The following RGS7 variants were observed in gnomAD, a reference collection of about 807,000 sequenced individuals.
RGS7 encodes regulator of G protein signaling 7.
In RGS7, 27 loss-of-function variants were observed where a neutral mutation model predicts 81.1. That is an observed-to-expected ratio of 0.33 (90% confidence interval 0.25 to 0.46). The LOEUF is 0.46. RGS7 is among the 20% of genes least tolerant of loss of function. The pLI, the probability that RGS7 is intolerant of heterozygous loss-of-function variation, is 1.00. For missense variants in RGS7, 396 were observed against 607.4 expected (o/e 0.65, Z 3.66); for synonymous variants, 208 against 207.7 (o/e 1.00, Z -0.01).
In RGS7 at chr1:240,799,959, G is replaced by A. The variant is rs1418384385; in HGVS notation, c.*6+682C>T. Among the ~76,000 whole-genome samples, 3 of 152,120 alleles carry A rather than the reference G, an allele frequency of 2.0e-5. No homozygotes were observed. The South Asian group carries it at 6.2e-4, about 31-fold the overall frequency. On this transcript the variant is annotated intron_variant, in intron 18 of 18. Coordinates refer to ENST00000440928, the MANE Select transcript of RGS7 (RefSeq NM_001364886.1). ...GGGTTAGATATGATGTTGGAAGAAG[G>A]ACAACCATTTGACTTCCCCTTTCCA...
intron 2 of RGS7, among the ~76,000 whole-genome samples, chr1:241,277,093 C>T (rs567289561): frequency 6.6e-6 from 1 of 152,332 alleles, no homozygotes; most frequent in East Asian, 1.9e-4. Context: ...CAGATCACTC[C>T]TGTTAGCGTT....
At position 241,314,925 on chromosome 1, in the gene RGS7, C is replaced by A. The variant is rs80140344; in HGVS notation, c.78+40774G>T. 5.8e-3 allele frequency among the ~76,000 whole-genome samples: 877 copies of A among 152,130 alleles called. 5 individuals carry two copies. The highest frequency in any genetic ancestry group is 0.019 in the African/African-American group (809 of 41,506). On this transcript the variant is annotated intron_variant, in intron 2 of 18. Coordinates refer to ENST00000440928, the MANE Select transcript of RGS7 (RefSeq NM_001364886.1). Reference sequence around the variant, plus strand: ...CCCTTTGCAATAGTCTGTGCAAAAACTGATAGTAGTAGCAGTAGAAATGGT... The same window carrying A: ...CCCTTTGCAATAGTCTGTGCAAAAAATGATAGTAGTAGCAGTAGAAATGGT...
intron 2 of RGS7, among the ~76,000 whole-genome samples, chr1:241,177,409 A>C (rs904688833): frequency 3.3e-5 from 5 of 152,174 alleles, no homozygotes; most frequent in African/African-American, 1.2e-4. Context: ...GAGCGTAGAC[A>C]GGGATGGCAT....
chr1:241,017,716 C>T (rs2059334439), intron 3 of RGS7, among the ~76,000 whole-genome samples: 1 of 152,058 alleles, frequency 6.6e-6, no homozygotes, highest in African/African-American at 2.4e-5. Flanking sequence ...TGATTTCTAT[C>T]CCCCTCTGGT....
At chr1:241,311,384 GAAAT>G (rs1460818345) in intron 2 of RGS7, among the ~76,000 whole-genome samples, 3 of 152,184 alleles carry the variant, frequency 2.0e-5, no homozygotes, top group African/African-American at 7.2e-5. Context: ...AATTGGCTAA[GAAAT>G]ACATACATAC....
chr1:240,806,079 T>C (rs1688792357), intron 15 of RGS7, 61 bp downstream of exon 15: 3 of 1,386,298 alleles, frequency 2.2e-6, no homozygotes, highest in Admixed American at 1.7e-5. Flanking sequence ...ATAAAATGAA[T>C]ACATCTAACG....
intron 9 of RGS7, among the ~76,000 whole-genome samples, chr1:240,850,659 A>G (rs1659935590): frequency 6.6e-6 from 1 of 152,244 alleles, no homozygotes; most frequent in South Asian, 2.1e-4. Flanking sequence ...AAGCTGAGAT[A>G]GGATGAGAGC....
At chr1:240,790,233 AAAAACAAAAACAAAACAAAAC>A (rs1451582946) in intron 18 of RGS7, among the ~76,000 whole-genome samples, 1 of 152,172 alleles carries the variant, frequency 6.6e-6, no homozygotes, top group African/African-American at 2.4e-5. Context: ...CTCTGTCTCA[AAAAACAAAAACAAAACAAAAC>A]AAAACAAAAA....
intron 4 of RGS7, among the ~76,000 whole-genome samples, chr1:240,960,308 A>G (rs1320031982): frequency 1.4e-5 from 2 of 139,580 alleles, no homozygotes; most frequent in Non-Finnish European, 3.0e-5. Context: ...CAGTGGTACA[A>G]TCATGGCTCA....
chr1:240,992,285 T>A (rs1686566302), intron 3 of RGS7, among the ~76,000 whole-genome samples: 1 of 152,186 alleles, frequency 6.6e-6, no homozygotes, highest in Non-Finnish European at 1.5e-5. Context: ...GGGTGGATCA[T>A]GAGGCCAGGA....
intron 3 of RGS7, among the ~76,000 whole-genome samples, chr1:241,094,278 G>A (rs942690984): frequency 7.4e-6 from 1 of 135,156 alleles, no homozygotes; most frequent in African/African-American, 3.3e-5. Flanking sequence ...CACACACACA[G>A]AGTCACACAC....
intron 9 of RGS7, among the ~76,000 whole-genome samples, chr1:240,843,195 AAAG>A (rs1658427444): frequency 6.6e-6 from 1 of 152,142 alleles, no homozygotes; most frequent in Admixed American, 6.5e-5. Context: ...AAAAATAAAA[AAAG>A]AAAGAGAAAG....
chr1:241,155,010 A>G (rs1333296823), intron 2 of RGS7, among the ~76,000 whole-genome samples: 1 of 152,252 alleles, frequency 6.6e-6, no homozygotes, highest in Non-Finnish European at 1.5e-5. Flanking sequence ...CAAACTCACT[A>G]TTCTCAAGAT....
At chr1:241,051,701 AC>A (rs904729769) in intron 3 of RGS7, among the ~76,000 whole-genome samples, 1 of 152,162 alleles carries the variant, frequency 6.6e-6, no homozygotes, top group African/African-American at 2.4e-5. Context: ...TCTAAGTCAC[AC>A]AAAAAATCTG....
At chr1:240,930,103 G>A (rs1392750024) in intron 6 of RGS7, among the ~76,000 whole-genome samples, 1 of 152,024 alleles carries the variant, frequency 6.6e-6, no homozygotes, top group Non-Finnish European at 1.5e-5. Context: ...CTAAGAAGAT[G>A]AATACTTACT....
chr1:241,294,207 A>C (rs2079256350), intron 2 of RGS7, among the ~76,000 whole-genome samples: 1 of 151,978 alleles, frequency 6.6e-6, no homozygotes, highest in South Asian at 2.1e-4. Context: ...ACCAAACACC[A>C]CATGTTCTCA....
chr1:241,182,319 C>G (rs1365077333), intron 2 of RGS7, among the ~76,000 whole-genome samples: 1 of 152,184 alleles, frequency 6.6e-6, no homozygotes, highest in Non-Finnish European at 1.5e-5. Flanking sequence ...AAAAATCATA[C>G]TCCATTTGTC....
chr1:241,155,999 T>C (rs1001546102), intron 2 of RGS7, among the ~76,000 whole-genome samples: 6 of 152,026 alleles, frequency 3.9e-5, no homozygotes, highest in African/African-American at 1.4e-4. Context: ...ACATCAATCA[T>C]AGTCCTACAC....
chr1:241,218,778 G>A (rs1175257101), intron 2 of RGS7, among the ~76,000 whole-genome samples: 1 of 152,056 alleles, frequency 6.6e-6, no homozygotes, highest in African/African-American at 2.4e-5. Flanking sequence ...CCGAGTAGCT[G>A]GGATTACAGG....
Sources: allele counts gnomAD v4.1 joint callset (sites outside exome capture counted in the v4.1 genomes callset), GRCh38; gene constraint gnomAD v4.1.1; transcripts MANE v1.5; gene names NCBI Gene and HGNC (gene_info 2026-07-23, HGNC 2026-07-21).